ZFHX3: variants seen among roughly 807,000 people sequenced by gnomAD.
The protein encoded by ZFHX3 is zinc finger homeobox protein 3.
A neutral mutation model predicts 279.1 loss-of-function variants in ZFHX3; 42 were observed. That is an observed-to-expected ratio of 0.15 (90% confidence interval 0.12 to 0.19). ZFHX3 has a LOEUF of 0.19. Among genes scored for constraint, ZFHX3 ranks in the 10% least tolerant of loss-of-function variants. ZFHX3 has a pLI of 1.00. For synonymous variants in ZFHX3, 2,293 were observed against 1,957.8 expected, an observed-to-expected ratio of 1.17 and a Z score of -4.52; for missense variants, 4,981 against 4,754.0, an observed-to-expected ratio of 1.05 and a Z score of -1.40.
At chr16:73,172,490 T>C (rs1023576142) in intron 5 of ZFHX3, among the ~76,000 whole-genome samples, 3 of 152,256 alleles carry the variant, frequency 2.0e-5, no homozygotes, top group African/African-American at 7.2e-5. Context: ...GAATTTCCAC[T>C]GCTTTTGTGT....
Position 72,874,198 on chromosome 16 carries a change from A to ATTTTT in ZFHX3, c.3448+15528_3448+15532dup, listed in dbSNP as rs565664402. 8.5e-3 allele frequency among the ~76,000 whole-genome samples: 804 copies of ATTTTT among 95,084 alleles called. 101 individuals carry two copies. Among genetic ancestry groups the ATTTTT allele is most frequent in the African/African-American group, 0.035 (736 of 21,190 alleles). The allele number at this position is 95,084 out of a possible 152,430, so 62.4% of individuals were successfully genotyped here. ...TGGAGCTCAGATGGAGGATTTTTTG[A>ATTTTT]TTTTTTTTTTTTTTTTTTTTTTTTT... On this transcript the variant is annotated intron_variant, in intron 4 of 9. Transcript: ENST00000268489.
chr16:73,013,214 C>T (rs1426135628), intron 1 of ZFHX3, among the ~76,000 whole-genome samples: 1 of 152,236 alleles, frequency 6.6e-6, no homozygotes, highest in Non-Finnish European at 1.5e-5. Flanking sequence ...TCAATCTCCA[C>T]TGAACCTTTG....
chr16:73,401,928 C>T (rs1341028578), intron 3 of ZFHX3: 1 of 152,090 alleles, frequency 6.6e-6, no homozygotes, highest in Non-Finnish European at 1.5e-5. Context: ...ATAACCTCCT[C>T]CAAAAAATAA....
At chr16:73,771,318 C>T (rs531999960) in intron 1 of ZFHX3, among the ~76,000 whole-genome samples, 2 of 152,236 alleles carry the variant, frequency 1.3e-5, no homozygotes, top group East Asian at 3.9e-4. Flanking sequence ...GCAGGAGATC[C>T]TGGTGATGGC....
At chr16:72,851,763 C>T (rs898992131) in intron 4 of ZFHX3, among the ~76,000 whole-genome samples, 1 of 152,068 alleles carries the variant, frequency 6.6e-6, no homozygotes, top group Non-Finnish European at 1.5e-5. Context: ...GTTGGCCAGG[C>T]TGGTCTCAAA....
chr16:72,805,399 A>G (rs1023144594), intron 7 of ZFHX3, among the ~76,000 whole-genome samples: 5 of 152,182 alleles, frequency 3.3e-5, no homozygotes, highest in African/African-American at 1.2e-4. Flanking sequence ...ATTCCAGGTG[A>G]AAGTATAGAT....
chr16:73,687,869 A>C (rs10598478), intron 1 of ZFHX3, among the ~76,000 whole-genome samples: 2 of 149,598 alleles, frequency 1.3e-5, no homozygotes, highest in African/African-American at 2.5e-5. Context: ...AAAAAAAAAA[A>C]CAGATTTAGT....
At chr16:73,610,292 C>T (rs983474721) in intron 2 of ZFHX3, among the ~76,000 whole-genome samples, 6 of 152,146 alleles carry the variant, frequency 3.9e-5, no homozygotes, top group Non-Finnish European at 8.8e-5. Context: ...GAAAATCTGA[C>T]GCAATCACTC....
intron 1 of ZFHX3, among the ~76,000 whole-genome samples, chr16:73,693,401 T>C (rs138472811): frequency 7.7e-4 from 117 of 152,212 alleles, no homozygotes; most frequent in Middle Eastern, 3.4e-3. Flanking sequence ...TGCTGTTTAT[T>C]ATTTATAGAA....
Position 73,890,250 on chromosome 16 carries a change from A to G in ZFHX3, c.-1608+1401T>C, listed in dbSNP as rs1268290648. Among the ~76,000 whole-genome samples, 2 of 151,178 alleles carry G rather than the reference A, an allele frequency of 1.3e-5. 1 individual carries two copies. The highest frequency in any genetic ancestry group is 4.8e-5 in the African/African-American group (2 of 41,246). ...GTGTAAAAAAAAAACCAAAAAAAAAAAAAACAACAAAAAAAAACCTCTCCC... is the reference window on the plus strand; with the variant it reads ...GTGTAAAAAAAAAACCAAAAAAAAAGAAAACAACAAAAAAAAACCTCTCCC... On this transcript the variant is annotated intron_variant, in intron 1 of 17. Transcript: ENST00000641206.
chr16:73,818,098 C>T (rs1052077564), intron 1 of ZFHX3, among the ~76,000 whole-genome samples: 4 of 152,182 alleles, frequency 2.6e-5, no homozygotes, highest in Non-Finnish European at 1.5e-5. Context: ...GAGACCCAAA[C>T]GGGTCAGGCT....
intron 4 of ZFHX3, among the ~76,000 whole-genome samples, chr16:72,864,864 G>T (rs560101166): frequency 6.6e-6 from 1 of 152,330 alleles, no homozygotes; most frequent in Non-Finnish European, 1.5e-5. Flanking sequence ...CAATCTAATG[G>T]AAGTGTTGTT....
chr16:73,229,841 T>C (rs901449157), intron 5 of ZFHX3, among the ~76,000 whole-genome samples: 14 of 152,224 alleles, frequency 9.2e-5, no homozygotes, highest in African/African-American at 3.4e-4. Flanking sequence ...AATTAGGTAT[T>C]ATTTACCTTA....
intron 3 of ZFHX3, among the ~76,000 whole-genome samples, chr16:73,349,492 T>C: frequency 6.6e-6 from 1 of 152,156 alleles, no homozygotes; most frequent in Non-Finnish European, 1.5e-5. Flanking sequence ...ATTGGGGTGA[T>C]CTTGTTTAAT....
chr16:73,546,675 TGC>T (rs2020114802), intron 2 of ZFHX3, among the ~76,000 whole-genome samples: 16 of 3,712 alleles, frequency 4.3e-3, no homozygotes, highest in Non-Finnish European at 6.2e-3. Flanking sequence ...CTGCTGTTGC[TGC>T]TGCTGCTGCT....
At chr16:73,606,019 T>TAAAAATACAA (rs1233375482) in intron 2 of ZFHX3, among the ~76,000 whole-genome samples, 1 of 150,976 alleles carries the variant, frequency 6.6e-6, no homozygotes, top group East Asian at 2.0e-4. Context: ...CCGTCTCTAC[T>TAAAAATACAA]AAAAATACAA....
intron 7 of ZFHX3, among the ~76,000 whole-genome samples, chr16:73,103,748 T>A (rs1490830867): frequency 2.0e-5 from 3 of 152,100 alleles, no homozygotes; most frequent in South Asian, 2.1e-4. Flanking sequence ...GGCAGTGGCC[T>A]CAATGCCTGT....
intron 3 of ZFHX3, among the ~76,000 whole-genome samples, chr16:73,380,634 G>A (rs1328334478): frequency 2.0e-5 from 3 of 152,094 alleles, no homozygotes; most frequent in Non-Finnish European, 2.9e-5. Flanking sequence ...ACCCAGAAAC[G>A]AGAATGGGAA....
At chr16:73,716,778 C>T (rs143789455) in intron 1 of ZFHX3, among the ~76,000 whole-genome samples, 6 of 152,016 alleles carry the variant, frequency 3.9e-5, no homozygotes, top group Non-Finnish European at 7.4e-5. Context: ...TTGGGAGGAG[C>T]AATTTACAGA....
Sources: gnomAD v4.1 joint callset for allele counts (sites outside exome capture counted in the v4.1 genomes callset) on GRCh38, gnomAD v4.1.1 for gene constraint, MANE v1.5 for transcripts, NCBI Gene and HGNC (gene_info 2026-07-23, HGNC 2026-07-21) for gene names.